Variants in VPS53 observed in about 807,000 individuals in gnomAD.
VPS53 encodes the protein VPS53 subunit of GARP complex.
In VPS53, 70 loss-of-function variants were observed where a neutral mutation model predicts 107.0. The observed-to-expected ratio is 0.65, with a 90% CI of 0.54 to 0.80. The LOEUF is 0.80. Among genes scored for constraint, VPS53 ranks in the 30% least tolerant of loss-of-function variants. The pLI, the probability that VPS53 is intolerant of heterozygous loss-of-function variation, is 0.00. For missense variants in VPS53, 917 were observed against 1,049.4 expected, an observed-to-expected ratio of 0.87 and a Z score of 1.74; for synonymous variants, 409 against 393.3, an observed-to-expected ratio of 1.04 and a Z score of -0.47.
intron 7 of VPS53, among the ~76,000 whole-genome samples, chr17:633,288 G>T (rs373692755): frequency 6.6e-6 from 1 of 152,152 alleles, no homozygotes; most frequent in Non-Finnish European, 1.5e-5. Flanking sequence ...ACCGTGCACC[G>T]GCCAGCCTTG....
In VPS53 at chr17:515,231, T is replaced by C. The variant is rs565727737; in HGVS notation, c.*3897A>G. 2 of 152,222 alleles carry C rather than the reference T, an allele frequency of 1.3e-5. No individual in the cohort carries two copies. The highest frequency in any genetic ancestry group is 4.2e-4 in the South Asian group (2 of 4,818). 9.4% of individuals were successfully genotyped at this position (152,222 alleles called of 1,614,324 possible). A position where few individuals can be genotyped will look rare whatever the true frequency, so the allele number is the denominator to read the frequency against. ...AGCTGCTGCTTTCATCCACAGGTAC[T>C]CCTTTTACCTTATTATTTTTTAGAG... On this transcript the variant is annotated 3_prime_UTR_variant, in exon 22 of 22. Coordinates refer to ENST00000437048, the MANE Select transcript of VPS53 (RefSeq NM_001128159.3).
Position 551,744 on chromosome 17 carries a change from G to C in VPS53, c.1866+128C>G, listed in dbSNP as rs1167004400. On this transcript the variant is annotated intron_variant, in intron 17 of 21. Coordinates refer to ENST00000437048, the MANE Select transcript of VPS53 (RefSeq NM_001128159.3). ...ACTGAGTGCTTTCAGGAACTCCGGG[G>C]CCTCTCCATTCTCCTCAGCTGATCC... The C allele has an allele frequency of 4.2e-6, 3 of 719,854 alleles. No individual in the cohort carries two copies. In the East Asian group the frequency reaches 9.5e-5, roughly 23 times the overall value. The allele number at this position is 719,854 out of a possible 1,614,324, so 44.6% of individuals were successfully genotyped here.
At chr17:594,194 G>C (rs1597355717) in intron 12 of VPS53, among the ~76,000 whole-genome samples, 1 of 152,228 alleles carries the variant, frequency 6.6e-6, no homozygotes, top group Non-Finnish European at 1.5e-5. Flanking sequence ...AGCACTGGGA[G>C]ATATACCTAA....
At chr17:712,144 C>A (rs938448802) in intron 1 of VPS53, among the ~76,000 whole-genome samples, 1 of 145,198 alleles carries the variant, frequency 6.9e-6, no homozygotes, top group Admixed American at 7.0e-5. Context: ...AACTTCAGGG[C>A]AGAGTGATTT....
intron 7 of VPS53, among the ~76,000 whole-genome samples, chr17:633,367 G>A (rs1970042105): frequency 6.6e-6 from 1 of 152,112 alleles, no homozygotes; most frequent in South Asian, 2.1e-4. Context: ...ATACTGTCTG[G>A]TTGCTAAAAA....
intron 1 of VPS53, chr17:714,044 CAAAAA>C (rs397818093): frequency 2.6e-5 from 2 of 77,720 alleles, no homozygotes; most frequent in South Asian, 4.8e-4. Context: ...GAATCCGTCT[CAAAAA>C]AAAAAAAAAA....
chr17:663,741 C>T (rs1971567215), intron 4 of VPS53, among the ~76,000 whole-genome samples: 1 of 152,220 alleles, frequency 6.6e-6, no homozygotes, highest in Non-Finnish European at 1.5e-5. Context: ...CCTTAATTCA[C>T]TCCTTCAATC....
At chr17:665,040 C>T (rs1398271408) in intron 4 of VPS53, among the ~76,000 whole-genome samples, 1 of 152,068 alleles carries the variant, frequency 6.6e-6, no homozygotes, top group Non-Finnish European at 1.5e-5. Context: ...GGAATGCATC[C>T]CCAAAGTTCA....
chr17:659,151 C>T (rs1373344601), intron 5 of VPS53, among the ~76,000 whole-genome samples: 4 of 151,904 alleles, frequency 2.6e-5, no homozygotes, highest in African/African-American at 9.7e-5. Flanking sequence ...ATATAGAAGG[C>T]TGAAGATTGG....
Position 661,828 on chromosome 17 carries a change from G to T in VPS53, c.353C>A (p.Ala118Asp). 3.9e-6 allele frequency: 6 copies of T among 1,552,196 alleles called. No individual in the cohort carries two copies. The highest frequency in any genetic ancestry group is 5.2e-6 in the Non-Finnish European group (6 of 1,147,078). The change falls in exon 5 of 22, where the codon GCT becomes GAT. Residue 118 changes from alanine (A) to aspartate (D), a missense_variant. Transcript: ENST00000437048. ...FGKIKDIKDKAEKSEQMVKEI... is the reference protein window; with the variant it reads ...FGKIKDIKDKDEKSEQMVKEI... ...ACTCACCATTTGCTCTGATTTTTCAGCTTTGTCTTTGATATCTTTGATTTT... is the reference window on the plus strand; with the variant it reads ...ACTCACCATTTGCTCTGATTTTTCATCTTTGTCTTTGATATCTTTGATTTT...
chr17:568,330 C>A (rs1182995146), intron 13 of VPS53, among the ~76,000 whole-genome samples: 2 of 152,162 alleles, frequency 1.3e-5, no homozygotes, highest in Admixed American at 6.5e-5. Context: ...CAACTTCTGC[C>A]TCCCAGGCTC....
At chr17:554,588 A>G (rs1483449156) in intron 15 of VPS53, among the ~76,000 whole-genome samples, 3 of 152,148 alleles carry the variant, frequency 2.0e-5, no homozygotes, top group Non-Finnish European at 4.4e-5. Context: ...TTTTTAGTAG[A>G]GACGGGGTTT....
chr17:617,431 T>G (rs1969192931), intron 11 of VPS53, among the ~76,000 whole-genome samples: 1 of 152,260 alleles, frequency 6.6e-6, no homozygotes, highest in Non-Finnish European at 1.5e-5. Context: ...TGAGACAGTC[T>G]CACTTTGTCA....
intron 19 of VPS53, among the ~76,000 whole-genome samples, chr17:530,143 C>CTT (rs35030075): frequency 5.6e-4 from 71 of 127,278 alleles, no homozygotes; most frequent in East Asian, 1.7e-3. Flanking sequence ...AATTTATATT[C>CTT]TTTTTTTTTT....
chr17:601,023 T>C (rs896500700), intron 12 of VPS53: 1 of 152,238 alleles, frequency 6.6e-6, no homozygotes. Context: ...GCAAAGTACA[T>C]GGTTACAGGT....
At chr17:564,198 C>T (rs1397241361) in intron 13 of VPS53, among the ~76,000 whole-genome samples, 3 of 151,836 alleles carry the variant, frequency 2.0e-5, no homozygotes, top group Non-Finnish European at 2.9e-5. Flanking sequence ...AGTTCGAGAC[C>T]AGCCTGGCCA....
In VPS53 at chr17:552,780, G is replaced by A. The variant is rs140169909; in HGVS notation, c.1787+600C>T. The A allele has an allele frequency of 1.1e-3, 273 of 249,558 alleles. 2 individuals carry two copies. The highest frequency in any genetic ancestry group is 4.8e-3 in the African/African-American group (219 of 45,588). 15.5% of individuals were successfully genotyped at this position (249,558 alleles called of 1,614,324 possible). On this transcript the variant is annotated intron_variant, in intron 16 of 21. Coordinates refer to ENST00000437048, the MANE Select transcript of VPS53 (RefSeq NM_001128159.3). ...GGTACAATGGCAGCCCAGTTCTGAA[G>A]CTTCTTCTTAGTGGCCAGTAGGGAC... is the stretch of plus-strand genomic sequence containing the variant.
intron 13 of VPS53, among the ~76,000 whole-genome samples, chr17:564,363 C>T (rs1356441810): frequency 3.3e-5 from 5 of 150,710 alleles, no homozygotes; most frequent in Admixed American, 6.6e-5. Context: ...GTTGAAACCC[C>T]GTCTCTACTA....
chr17:655,873 G>A lies in VPS53; in HGVS notation c.453C>T (p.His151=), dbSNP rs746064358. The change falls in exon 6 of 22, where the codon CAC becomes CAT. Residue 151 remains histidine (H), a synonymous_variant. Coordinates refer to ENST00000437048, the MANE Select transcript of VPS53 (RefSeq NM_001128159.3). The stretch of plus-strand genomic sequence containing the variant: ...CGACACCTCCTGCCAGCATGTGCAG[G>A]TGGTTCAGTGTGGTGATTGAGGTGG... ...HLTTSITTLN[H]LHMLAGGVDS... 3.3e-5 allele frequency: 53 copies of A among 1,613,942 alleles called. No individual in the cohort carries two copies. Among genetic ancestry groups the A allele is most frequent in the South Asian group, 7.7e-5 (7 of 91,082 alleles).
Sources: allele counts gnomAD v4.1 joint callset (sites outside exome capture counted in the v4.1 genomes callset), GRCh38; gene constraint gnomAD v4.1.1; transcripts MANE v1.5; gene names NCBI Gene and HGNC (gene_info 2026-07-23, HGNC 2026-07-21).